The following UBR7 variants were observed in gnomAD, a reference collection of about 807,000 sequenced individuals.
UBR7 encodes putative E3 ubiquitin-protein ligase UBR7.
A neutral mutation model predicts 57.0 loss-of-function variants in UBR7; 22 were observed. The ratio of observed to expected loss-of-function variants is 0.39; its 90% CI spans 0.28 to 0.55. UBR7 has a LOEUF of 0.55. Among genes scored for constraint, UBR7 ranks in the 20% least tolerant of loss-of-function variants. The pLI is 0.69. For synonymous variants in UBR7, 167 were observed against 179.8 expected, an observed-to-expected ratio of 0.93 and a Z score of 0.57; for missense variants, 395 against 513.2, an observed-to-expected ratio of 0.77 and a Z score of 2.23.
At chr14:93,222,625 C>A (rs1333623764) in intron 10 of UBR7, among the ~76,000 whole-genome samples, 1 of 151,992 alleles carries the variant, frequency 6.6e-6, no homozygotes, top group Non-Finnish European at 1.5e-5. Flanking sequence ...CGCCTGTAGT[C>A]CCAGCTACTA....
chr14:93,214,515 G>T (rs1391694953), intron 4 of UBR7, among the ~76,000 whole-genome samples: 1 of 152,126 alleles, frequency 6.6e-6, no homozygotes, highest in Non-Finnish European at 1.5e-5. Flanking sequence ...AGTGTACTTG[G>T]CAGGATGGTT....
At chr14:93,225,463 CAAAAAAA>C (rs59667536) in intron 10 of UBR7, among the ~76,000 whole-genome samples, 3 of 110,214 alleles carry the variant, frequency 2.7e-5, no homozygotes, top group Non-Finnish European at 5.8e-5. Context: ...CCCGCCTCTA[CAAAAAAA>C]AAAAAAAAAA....
intron 10 of UBR7, chr14:93,223,662 G>T: frequency 7.2e-7 from 1 of 1,380,352 alleles, no homozygotes; most frequent in Non-Finnish European, 1.0e-6. Context: ...AGGACCCGGT[G>T]GGGCAGCGGG....
In UBR7 at chr14:93,227,066, A is replaced by G. The variant is rs540653358; in HGVS notation, c.*31A>G. On this transcript the variant is annotated 3_prime_UTR_variant, in exon 11 of 11. Coordinates refer to ENST00000013070, the MANE Select transcript of UBR7 (RefSeq NM_175748.4). ...AGTATGAAGCTTTCTCATTCAAGCC[A>G]ATGAAAATGCGCTTCCCATTCTTGG... 1 of 1,519,638 alleles carries G rather than the reference A, an allele frequency of 6.6e-7. No homozygotes were observed. The highest frequency in any genetic ancestry group is 2.3e-5 in the East Asian group (1 of 44,018). The allele number at this position is 1,519,638 out of a possible 1,614,324, so 94.1% of individuals were successfully genotyped here.
chr14:93,207,955 T>C (rs368218685), intron 1 of UBR7, among the ~76,000 whole-genome samples: 3 of 152,086 alleles, frequency 2.0e-5, no homozygotes, highest in East Asian at 1.9e-4. Context: ...CTAGTACTTT[T>C]TCTTTCTTTC....
In UBR7 at chr14:93,218,631, C is replaced by G. The variant is rs1894640176; in HGVS notation, c.706C>G (p.Leu236Val). 3 of 1,613,918 alleles carry G rather than the reference C, an allele frequency of 1.9e-6. No individual in the cohort carries two copies. The highest frequency in any genetic ancestry group is 2.5e-6 in the Non-Finnish European group (3 of 1,180,028). Residue 236 changes from leucine (L) to valine (V), a missense_variant, in exon 7 of 11, where the codon CTC (leucine) becomes GTC (valine). By Grantham distance (32) the Leu-to-Val change is conservative. Transcript: ENST00000013070. ...AAATGGAGAGCATCAAGATAGTACCCTCAAAGAGGATGTTCCAGAACAGGG... is the reference window on the plus strand; with the variant it reads ...AAATGGAGAGCATCAAGATAGTACCGTCAAAGAGGATGTTCCAGAACAGGG... ...PENGEHQDST[L>V]KEDVPEQGKD...
chr14:93,218,002 G>A (rs1894623831), intron 6 of UBR7, among the ~76,000 whole-genome samples: 1 of 151,696 alleles, frequency 6.6e-6, no homozygotes, highest in African/African-American at 2.4e-5. Flanking sequence ...GCTGAGGCAG[G>A]AGAATTGCCT....
intron 8 of UBR7, among the ~76,000 whole-genome samples, chr14:93,219,875 C>T (rs1894669110): frequency 6.6e-6 from 1 of 151,544 alleles, no homozygotes; most frequent in Non-Finnish European, 1.5e-5. Flanking sequence ...CTTGGGAGGC[C>T]AAGGCAGGAG....
Position 93,214,982 on chromosome 14 carries a change from G to T in UBR7, c.495G>T (p.Arg165Ser). The T allele has an allele frequency of 6.2e-7, 1 of 1,613,102 alleles. No homozygotes were observed. The highest frequency in any genetic ancestry group is 8.5e-7 in the Non-Finnish European group (1 of 1,179,364). ...TCTGTGAAGACTGGTTCCATGGAAGGGTAAGGAAAATGTTCCACCTTTTGA... is the reference window on the plus strand; with the variant it reads ...TCTGTGAAGACTGGTTCCATGGAAGTGTAAGGAAAATGTTCCACCTTTTGA... ...CVVCEDWFHG[R>S]HLGAIPPESG... is the part of the protein sequence containing the mutation. The change falls in exon 5 of 11, where the codon AGG (arginine) becomes AGT (serine). Residue 165 changes from arginine (R) to serine (S), a missense_variant and splice_region_variant. Coordinates refer to ENST00000013070, the MANE Select transcript of UBR7 (RefSeq NM_175748.4).
At position 93,228,987 on chromosome 14, in the gene UBR7, T is replaced by A. The variant is rs1438060068; in HGVS notation, c.*1952T>A. ...GGAAACCTCTTTTTTTACCTGTTGT[T>A]CACAACTAGTTTTCTTATTGACTGT... is the stretch of plus-strand genomic sequence containing the variant. On this transcript the variant is annotated 3_prime_UTR_variant, in exon 11 of 11. Transcript: ENST00000013070. 1 of 454,000 alleles carries A rather than the reference T, an allele frequency of 2.2e-6. No individual in the cohort carries two copies. Among genetic ancestry groups the A allele is most frequent in the Admixed American group, 2.3e-5 (1 of 42,554 alleles). 28.1% of individuals were successfully genotyped at this position (454,000 alleles called of 1,614,324 possible).
intron 4 of UBR7, among the ~76,000 whole-genome samples, chr14:93,212,916 C>T (rs1894513369): frequency 1.3e-5 from 2 of 152,134 alleles, no homozygotes; most frequent in Non-Finnish European, 2.9e-5. Flanking sequence ...ACTGAGTATA[C>T]TCCAAGTATT....
At position 93,213,129 on chromosome 14, in the gene UBR7, C is replaced by A. The variant is rs143928922; in HGVS notation, c.441+1002C>A. Among the ~76,000 whole-genome samples the A allele has an allele frequency of 2.0e-3, 305 of 151,898 alleles. 3 individuals are homozygous for A. The highest frequency in any genetic ancestry group is 7.1e-3 in the African/African-American group (295 of 41,440). On this transcript the variant is annotated intron_variant, in intron 4 of 10. Coordinates refer to ENST00000013070, the MANE Select transcript of UBR7 (RefSeq NM_175748.4). ...CTCCAGCCTGGGTGACAGAGCGAGA[C>A]CCTGTCTCAAAAAATAATAATCATA... is the stretch of plus-strand genomic sequence containing the variant.
chr14:93,212,359 C>G (rs1894502462), intron 4 of UBR7, among the ~76,000 whole-genome samples: 2 of 152,164 alleles, frequency 1.3e-5, no homozygotes, highest in South Asian at 4.1e-4. Flanking sequence ...TTTCCCAAAG[C>G]CAGAGCTTCT....
intron 4 of UBR7, among the ~76,000 whole-genome samples, chr14:93,214,352 T>A (rs1291149522): frequency 6.6e-6 from 1 of 152,218 alleles, no homozygotes; most frequent in East Asian, 1.9e-4. Context: ...GGATGTTAAT[T>A]AACAGTTATG....
At chr14:93,212,979 A>G (rs1894514987) in intron 4 of UBR7, among the ~76,000 whole-genome samples, 1 of 152,138 alleles carries the variant, frequency 6.6e-6, no homozygotes, top group South Asian at 2.1e-4. Flanking sequence ...TGTGGCATTT[A>G]AAATTGTGAT....
intron 10 of UBR7, among the ~76,000 whole-genome samples, chr14:93,223,102 A>G (rs1018477554): frequency 5.3e-5 from 8 of 152,166 alleles, no homozygotes; most frequent in African/African-American, 1.4e-4. Flanking sequence ...TTTAGAATAG[A>G]AACTGGGCAT....
Position 93,228,679 on chromosome 14 carries a change from CTT to C in UBR7, c.*1646_*1647del, listed in dbSNP as rs1188939301. 7 of 454,082 alleles carry C rather than the reference CTT, an allele frequency of 1.5e-5. No individual in the cohort carries two copies. Among genetic ancestry groups the C allele is most frequent in the South Asian group, 1.1e-4 (7 of 64,482 alleles). 28.1% of individuals were successfully genotyped at this position (454,082 alleles called of 1,614,324 possible). On this transcript the variant is annotated 3_prime_UTR_variant, in exon 11 of 11. Coordinates refer to ENST00000013070, the MANE Select transcript of UBR7 (RefSeq NM_175748.4). ...GGCTCCGTTCAAAGGCTCGGGGTGT[CTT>C]TGAGGTTGTTTATCAAGCTGGGGAA...
chr14:93,228,824 C>G lies in UBR7; in HGVS notation c.*1789C>G, dbSNP rs1232504086. On this transcript the variant is annotated 3_prime_UTR_variant, in exon 11 of 11. Coordinates refer to ENST00000013070, the MANE Select transcript of UBR7 (RefSeq NM_175748.4). ...ATCTGATGTAACTACCAGAAAGTCC[C>G]TTACTTCCTATGACCAATCAGGACC... The G allele has an allele frequency of 2.2e-6, 1 of 454,018 alleles. No homozygotes were observed. Among genetic ancestry groups the G allele is most frequent in the African/African-American group, 2.0e-5 (1 of 50,012 alleles). 28.1% of individuals were successfully genotyped at this position (454,018 alleles called of 1,614,324 possible).
Position 93,229,094 on chromosome 14 carries a change from G to T in UBR7, c.*2059G>T, listed in dbSNP as rs1894937599. The T allele has an allele frequency of 2.7e-6, 1 of 370,906 alleles. No individual in the cohort carries two copies. The highest frequency in any genetic ancestry group is 2.1e-5 in the South Asian group (1 of 48,654). 23.0% of individuals were successfully genotyped at this position (370,906 alleles called of 1,614,324 possible). ...TATGCAAAACACAAATATGATATTA[G>T]TTGCTTTTAAGGAGTTCTGGCATTG... On this transcript the variant is annotated 3_prime_UTR_variant, in exon 11 of 11. Coordinates refer to ENST00000013070, the MANE Select transcript of UBR7 (RefSeq NM_175748.4).
Sources: gnomAD v4.1 joint callset for allele counts (sites outside exome capture counted in the v4.1 genomes callset) on GRCh38, gnomAD v4.1.1 for gene constraint, MANE v1.5 for transcripts, NCBI Gene and HGNC (gene_info 2026-07-23, HGNC 2026-07-21) for gene names.